The following DAB1 variants were observed in gnomAD, a reference collection of about 807,000 sequenced individuals.
DAB1 encodes disabled homolog 1.
DAB1 carries 15 observed loss-of-function variants against 64.6 expected under a neutral mutation model. That is an observed-to-expected ratio of 0.23 (90% confidence interval 0.16 to 0.36). The LOEUF (loss-of-function observed/expected upper bound fraction) is 0.36, where lower values mean the gene tolerates loss of function less well. Ranked by LOEUF, DAB1 falls within the 10% of genes least tolerant of loss-of-function variation. The probability of loss-of-function intolerance (pLI) is 1.00; values close to 1 mark genes in which losing one functional copy is unlikely to be tolerated. For synonymous variants in DAB1, 235 were observed against 251.9 expected, an observed-to-expected ratio of 0.93 and a Z score of 0.64; for missense variants, 596 against 706.7, an observed-to-expected ratio of 0.84 and a Z score of 1.78.
At chr1:57,507,091 A>C (rs1644352793) in intron 7 of DAB1, among the ~76,000 whole-genome samples, 1 of 152,166 alleles carries the variant, frequency 6.6e-6, no homozygotes, top group African/African-American at 2.4e-5. Context: ...CACTGCTAAA[A>C]AACGTAATGG....
At chr1:57,756,972 G>A (rs928978869) in intron 6 of DAB1, among the ~76,000 whole-genome samples, 4 of 152,148 alleles carry the variant, frequency 2.6e-5, no homozygotes, top group African/African-American at 9.7e-5. Context: ...CCAGAAGCCT[G>A]TTGCAATAGC....
chr1:58,484,536 A>G (rs1645542478), intron 3 of DAB1, among the ~76,000 whole-genome samples: 1 of 152,222 alleles, frequency 6.6e-6, no homozygotes, highest in African/African-American at 2.4e-5. Context: ...CAGAATCCTT[A>G]GAAAATATCA....
intron 7 of DAB1, among the ~76,000 whole-genome samples, chr1:57,580,378 C>T (rs373496671): frequency 2.8e-4 from 42 of 152,200 alleles, no homozygotes; most frequent in African/African-American, 8.9e-4. Flanking sequence ...TCTGGCCAAC[C>T]GACTGTGACA....
At chr1:57,540,828 G>A (rs1423740008) in intron 7 of DAB1, among the ~76,000 whole-genome samples, 2 of 152,274 alleles carry the variant, frequency 1.3e-5, no homozygotes, top group Middle Eastern at 3.4e-3. Context: ...TGTGTGTAGT[G>A]GGTAGGGGGA....
chr1:57,747,791 AGAG>A (rs916502797), intron 6 of DAB1, among the ~76,000 whole-genome samples: 1 of 133,220 alleles, frequency 7.5e-6, no homozygotes, highest in African/African-American at 2.9e-5. Context: ...CCTGGGCGAC[AGAG>A]GAGGACTCTG....
intron 4 of DAB1, among the ~76,000 whole-genome samples, chr1:58,315,097 G>T (rs1255529258): frequency 6.6e-6 from 1 of 152,176 alleles, no homozygotes; most frequent in Non-Finnish European, 1.5e-5. Flanking sequence ...AATAAGTTTA[G>T]AAATTGAGGG....
chr1:57,115,400 A>T (rs190861440), intron 4 of DAB1, among the ~76,000 whole-genome samples: 1 of 152,304 alleles, frequency 6.6e-6, no homozygotes, highest in East Asian at 1.9e-4. Context: ...GGGCATTTTC[A>T]TCACAGGACA....
intron 1 of DAB1, among the ~76,000 whole-genome samples, chr1:57,341,797 A>C (rs1677610793): frequency 6.6e-6 from 1 of 152,146 alleles, no homozygotes; most frequent in Admixed American, 6.5e-5. Context: ...AGTGTTCTCC[A>C]CTCATCTAAT....
chr1:57,425,514 A>G (rs761976517), upstream of DAB1, among the ~76,000 whole-genome samples: 1 of 152,050 alleles, frequency 6.6e-6, no homozygotes, highest in South Asian at 2.1e-4. Flanking sequence ...TCATCAAGAG[A>G]CCCTCCCTTT....
intron 7 of DAB1, among the ~76,000 whole-genome samples, chr1:57,599,161 A>C (rs1645546419): frequency 6.7e-6 from 1 of 149,116 alleles, no homozygotes. Flanking sequence ...GCTGATGCTT[A>C]CCGGTTGATT....
Position 58,438,861 on chromosome 1 carries a change from T to C in DAB1, n.257+67199A>G, listed in dbSNP as rs543162999. On this transcript the variant is annotated intron_variant and non_coding_transcript_variant, in intron 3 of 20. Coordinates refer to the DAB1 transcript ENST00000485760. ...TGTTCTTTCTCCTGCTTCTGTCGCT[T>C]TCACCTGAGAATACTTGGAGCAGAA... 1.1e-4 allele frequency among the ~76,000 whole-genome samples: 16 copies of C among 152,300 alleles called. No individual in the cohort carries two copies. The South Asian group carries it at 3.3e-3, about 32-fold the overall frequency.
chr1:58,211,400 A>G (rs1658544134), intron 4 of DAB1, among the ~76,000 whole-genome samples: 1 of 152,186 alleles, frequency 6.6e-6, no homozygotes, highest in Non-Finnish European at 1.5e-5. Flanking sequence ...ACATTTAGAA[A>G]TTCATTCTAA....
intron 5 of DAB1, among the ~76,000 whole-genome samples, chr1:57,910,605 G>T (rs1353876601): frequency 6.6e-6 from 1 of 152,178 alleles, no homozygotes; most frequent in Non-Finnish European, 1.5e-5. Flanking sequence ...TTAGACAGGA[G>T]CCTGGAGCCA....
chr1:57,120,185 G>A (rs540825756), intron 4 of DAB1, among the ~76,000 whole-genome samples: 2 of 152,236 alleles, frequency 1.3e-5, no homozygotes, highest in East Asian at 3.9e-4. Context: ...TATCTGTGAT[G>A]TCAGTAAGGT....
At chr1:57,901,261 C>G (rs1042782744) in intron 5 of DAB1, among the ~76,000 whole-genome samples, 1 of 152,116 alleles carries the variant, frequency 6.6e-6, no homozygotes. Context: ...GAGCGCCTTC[C>G]ATTCCCCACA....
intron 4 of DAB1, among the ~76,000 whole-genome samples, chr1:58,318,817 C>T (rs1173569707): frequency 6.6e-6 from 1 of 152,174 alleles, no homozygotes; most frequent in African/African-American, 2.4e-5. Flanking sequence ...CATTTTTTAG[C>T]TATTCCAAGC....
intron 14 of DAB1, among the ~76,000 whole-genome samples, chr1:57,008,420 T>C (rs984122579): frequency 6.6e-6 from 1 of 152,074 alleles, no homozygotes. Flanking sequence ...GTGATGATGA[T>C]AATGATGATG....
chr1:58,230,322 C>G (rs1300225747), intron 4 of DAB1, among the ~76,000 whole-genome samples: 2 of 152,164 alleles, frequency 1.3e-5, no homozygotes, highest in East Asian at 3.9e-4. Flanking sequence ...GGTGAGAAGA[C>G]TTTAAAAACT....
intron 5 of DAB1, among the ~76,000 whole-genome samples, chr1:58,106,086 TTCCTTCC>T: frequency 1.8e-5 from 1 of 56,024 alleles, no homozygotes; most frequent in Non-Finnish European, 2.7e-5. Flanking sequence ...TTTGTTTTCC[TTCCTTCC>T]TTCCTTCCTT....
Sources: gnomAD v4.1 joint callset for allele counts (sites outside exome capture counted in the v4.1 genomes callset) on GRCh38, gnomAD v4.1.1 for gene constraint, MANE v1.5 for transcripts, NCBI Gene and HGNC (gene_info 2026-07-23, HGNC 2026-07-21) for gene names.